RABGAP1: variants seen among roughly 807,000 people sequenced by gnomAD.
RABGAP1 encodes RAB GTPase activating protein 1, also known as rab GTPase-activating protein 1.
A neutral mutation model predicts 137.6 loss-of-function variants in RABGAP1; 23 were observed. That is an observed-to-expected ratio of 0.17 (90% CI 0.12 to 0.24). The LOEUF is 0.24. Among genes scored for constraint, RABGAP1 ranks in the 10% least tolerant of loss-of-function variants. The probability of loss-of-function intolerance (pLI) is 1.00; values close to 1 mark genes in which losing one functional copy is unlikely to be tolerated. For missense variants in RABGAP1, 906 were observed against 1,275.8 expected, an observed-to-expected ratio of 0.71 and a Z score of 4.42; for synonymous variants, 451 against 450.7, an observed-to-expected ratio of 1.00 and a Z score of -0.01.
At chr9:123,072,636 T>A (rs2034391193) in intron 15 of RABGAP1, among the ~76,000 whole-genome samples, 1 of 152,202 alleles carries the variant, frequency 6.6e-6, no homozygotes, top group Non-Finnish European at 1.5e-5. Context: ...AAAGTGAAGT[T>A]GCCTTCCATG....
At chr9:122,994,147 T>C (rs191220461) in intron 6 of RABGAP1, among the ~76,000 whole-genome samples, 14 of 152,278 alleles carry the variant, frequency 9.2e-5, no homozygotes, top group Admixed American at 3.3e-4. Flanking sequence ...AATACTAAAT[T>C]CCCTACTTGG....
intron 19 of RABGAP1, among the ~76,000 whole-genome samples, chr9:123,082,260 A>G (rs2034732624): frequency 6.6e-6 from 1 of 152,100 alleles, no homozygotes; most frequent in Non-Finnish European, 1.5e-5. Context: ...AAAATTTAAC[A>G]GTGTACCTTA....
intron 3 of RABGAP1, 47 bp downstream of exon 3, chr9:122,984,766 A>T (rs1466927437): frequency 2.0e-6 from 3 of 1,526,316 alleles, no homozygotes; most frequent in Non-Finnish European, 2.7e-6. Flanking sequence ...ATTGTTTTTA[A>T]TATGTGAGTG....
chr9:122,994,697 T>G (rs1370641351), intron 6 of RABGAP1, among the ~76,000 whole-genome samples: 1 of 152,220 alleles, frequency 6.6e-6, no homozygotes, highest in African/African-American at 2.4e-5. Flanking sequence ...ATCTTAAAGT[T>G]GTACAGAAAT....
chr9:123,026,295 G>T (rs2031966450), intron 13 of RABGAP1, among the ~76,000 whole-genome samples: 1 of 152,172 alleles, frequency 6.6e-6, no homozygotes, highest in African/African-American at 2.4e-5. Flanking sequence ...CTGCACTTCA[G>T]CCCAGGTGAC....
At chr9:122,968,289 C>G (rs1214422303) in intron 2 of RABGAP1, among the ~76,000 whole-genome samples, 3 of 138,962 alleles carry the variant, frequency 2.2e-5, no homozygotes, top group Non-Finnish European at 4.6e-5. Context: ...GTGGTGCAAT[C>G]TCAGCTCACT....
intron 12 of RABGAP1, among the ~76,000 whole-genome samples, chr9:123,018,673 G>A (rs1463734131): frequency 1.3e-5 from 2 of 152,208 alleles, no homozygotes; most frequent in Admixed American, 1.3e-4. Context: ...TCTAAACAAG[G>A]AGAAAACTAT....
At chr9:122,996,694 A>G (rs966309394) in intron 8 of RABGAP1, 89 bp downstream of exon 8, 1 of 1,103,086 alleles carries the variant, frequency 9.1e-7, no homozygotes, top group Non-Finnish European at 1.3e-6. Flanking sequence ...GTGTTAAAAC[A>G]TGTTTAAGAA....
intron 13 of RABGAP1, among the ~76,000 whole-genome samples, chr9:123,063,712 C>A (rs935406425): frequency 1.4e-4 from 21 of 152,136 alleles, no homozygotes; most frequent in African/African-American, 5.1e-4. Flanking sequence ...TTACACATTC[C>A]CACTTTAAAA....
chr9:123,039,252 A>G (rs1359376410), intron 13 of RABGAP1, among the ~76,000 whole-genome samples: 1 of 152,092 alleles, frequency 6.6e-6, no homozygotes, highest in Admixed American at 6.5e-5. Flanking sequence ...ATCCTCCTAA[A>G]ATGACAGTAG....
intron 21 of RABGAP1, among the ~76,000 whole-genome samples, chr9:123,092,048 A>G (rs2035047485): frequency 6.6e-6 from 1 of 152,184 alleles, no homozygotes; most frequent in Non-Finnish European, 1.5e-5. Context: ...AAAAAAAGGA[A>G]AAGAAAAAAA....
At chr9:123,077,231 C>T (rs976509590) in intron 19 of RABGAP1, among the ~76,000 whole-genome samples, 1 of 151,464 alleles carries the variant, frequency 6.6e-6, no homozygotes, top group Non-Finnish European at 1.5e-5. Flanking sequence ...CTCATTGCAG[C>T]CTGGACCTCC....
intron 6 of RABGAP1, chr9:122,990,803 A>ATT (rs1836678445): frequency 1.5e-5 from 1 of 68,666 alleles, no homozygotes; most frequent in Non-Finnish European, 2.3e-5. Context: ...AAAAATATAT[A>ATT]TATATATATA....
At chr9:123,008,264 A>G (rs767881282) in intron 10 of RABGAP1, among the ~76,000 whole-genome samples, 13 of 152,158 alleles carry the variant, frequency 8.5e-5, no homozygotes. Flanking sequence ...TTTTTAAGAT[A>G]AAGAGCTATT....
At chr9:123,012,495 A>G (rs1183056166) in intron 11 of RABGAP1, among the ~76,000 whole-genome samples, 1 of 152,214 alleles carries the variant, frequency 6.6e-6, no homozygotes, top group African/African-American at 2.4e-5. Context: ...GGCCCGACTA[A>G]AGGTTCCTCA....
chr9:123,018,513 C>A (rs1268564041), intron 12 of RABGAP1, among the ~76,000 whole-genome samples: 1 of 152,180 alleles, frequency 6.6e-6, no homozygotes, highest in African/African-American at 2.4e-5. Flanking sequence ...ATAAGCATGA[C>A]TGTGTTTCAG....
In RABGAP1 at chr9:123,076,777, C is replaced by A. The variant is rs1293429299; in HGVS notation, c.2424+15C>A. The A allele has an allele frequency of 6.4e-7, 1 of 1,561,988 alleles. No individual in the cohort carries two copies. ...GCAACATGAAGGTAAAATAATTTTG[C>A]ATTAGTTAAGATTCTGTTTTTCACT... is the stretch of plus-strand genomic sequence containing the variant. On this transcript the variant is annotated intron_variant, in intron 19 of 25. Transcript: ENST00000373647.
chr9:123,032,719 C>T (rs748220875), intron 13 of RABGAP1, among the ~76,000 whole-genome samples: 16 of 152,090 alleles, frequency 1.1e-4, no homozygotes, highest in Non-Finnish European at 1.6e-4. Context: ...AATAAAGATA[C>T]TAAAATTACA....
intron 2 of RABGAP1, among the ~76,000 whole-genome samples, chr9:122,984,272 A>G (rs12337722): frequency 0.11 from 16,597 of 152,202 alleles, 2,921 homozygotes; most frequent in African/African-American, 0.37. Context: ...CAAGTTCACT[A>G]TGTACTTTTT....
Sources: allele counts gnomAD v4.1 joint callset (sites outside exome capture counted in the v4.1 genomes callset), GRCh38; gene constraint gnomAD v4.1.1; transcripts MANE v1.5; gene names NCBI Gene and HGNC (gene_info 2026-07-23, HGNC 2026-07-21).